ZNF407: variants seen among roughly 807,000 people sequenced by gnomAD.
ZNF407 encodes the protein zinc finger protein 407.
A neutral mutation model predicts 131.2 loss-of-function variants in ZNF407; 17 were observed. That is an observed-to-expected ratio of 0.13 (90% CI 0.09 to 0.19). The LOEUF is 0.19. ZNF407 is among the 10% of genes least tolerant of loss of function. The pLI is 1.00. For synonymous variants in ZNF407, 1,156 were observed against 1,062.0 expected, an observed-to-expected ratio of 1.09 and a Z score of -1.72; for missense variants, 2,681 against 2,830.6, an observed-to-expected ratio of 0.95 and a Z score of 1.20.
At chr18:74,856,886 T>C (rs1970866334) in intron 4 of ZNF407, among the ~76,000 whole-genome samples, 1 of 152,176 alleles carries the variant, frequency 6.6e-6, no homozygotes, top group African/African-American at 2.4e-5. Context: ...ATAATTCAAG[T>C]AATAAGAAGC....
At chr18:75,002,406 G>A (rs1213630165) in intron 8 of ZNF407, among the ~76,000 whole-genome samples, 3 of 152,144 alleles carry the variant, frequency 2.0e-5, no homozygotes, top group Non-Finnish European at 4.4e-5. Flanking sequence ...GAAGGAAAGA[G>A]TAGACTGGAA....
At chr18:74,620,193 A>G (rs1983459218) in intron 1 of ZNF407, among the ~76,000 whole-genome samples, 2 of 152,202 alleles carry the variant, frequency 1.3e-5, no homozygotes, top group Admixed American at 1.3e-4. Context: ...CATACAGTTA[A>G]TTTTATTACT....
At chr18:74,999,503 A>G (rs895172240) in intron 8 of ZNF407, among the ~76,000 whole-genome samples, 6 of 152,210 alleles carry the variant, frequency 3.9e-5, no homozygotes, top group Admixed American at 1.3e-4. Context: ...CACATGGCAG[A>G]ACATATTTCT....
chr18:74,845,624 C>G (rs1295142651), intron 4 of ZNF407, among the ~76,000 whole-genome samples: 1 of 150,456 alleles, frequency 6.6e-6, no homozygotes, highest in African/African-American at 2.4e-5. Flanking sequence ...AAGGAAATTA[C>G]ACTATAACTA....
intron 6 of ZNF407, among the ~76,000 whole-genome samples, chr18:74,887,979 T>C (rs1272576616): frequency 6.6e-6 from 1 of 152,190 alleles, no homozygotes; most frequent in African/African-American, 2.4e-5. Context: ...TAAATAGACG[T>C]AGAATGTAGG....
At chr18:74,839,060 G>A (rs1970596384) in intron 4 of ZNF407, among the ~76,000 whole-genome samples, 1 of 151,866 alleles carries the variant, frequency 6.6e-6, no homozygotes, top group Non-Finnish European at 1.5e-5. Context: ...AATGCTTGAA[G>A]AAACACCCTA....
chr18:74,879,888 A>G (rs1971215061), intron 5 of ZNF407, among the ~76,000 whole-genome samples: 1 of 152,204 alleles, frequency 6.6e-6, no homozygotes, highest in Non-Finnish European at 1.5e-5. Context: ...CTCCCTTCCT[A>G]TATGTACTAT....
intron 8 of ZNF407, among the ~76,000 whole-genome samples, chr18:74,978,368 A>G (rs1435950400): frequency 1.3e-5 from 2 of 152,156 alleles, no homozygotes; most frequent in African/African-American, 4.8e-5. Flanking sequence ...ATGTGTGAAG[A>G]CATAGAGGGG....
intron 4 of ZNF407, among the ~76,000 whole-genome samples, chr18:74,875,656 A>AT (rs1223256361): frequency 5.3e-5 from 8 of 151,468 alleles, no homozygotes; most frequent in African/African-American, 9.7e-5. Context: ...TACGGACGTG[A>AT]TTTTTTTTTA....
intron 3 of ZNF407, among the ~76,000 whole-genome samples, chr18:74,669,204 C>A (rs1317412290): frequency 1.3e-5 from 2 of 152,208 alleles, no homozygotes. Flanking sequence ...ACGCTTGTGC[C>A]CACAGGTTTC....
intron 8 of ZNF407, among the ~76,000 whole-genome samples, chr18:74,953,521 T>C (rs1282229006): frequency 1.3e-5 from 2 of 152,152 alleles, no homozygotes; most frequent in African/African-American, 4.8e-5. Flanking sequence ...ATTGCTAATT[T>C]CCCTTGTATT....
chr18:75,052,285 T>G (rs1402094347), intron 8 of ZNF407, among the ~76,000 whole-genome samples: 1 of 152,216 alleles, frequency 6.6e-6, no homozygotes, highest in African/African-American at 2.4e-5. Flanking sequence ...ATTGTATAAT[T>G]ACATTACCTC....
At chr18:74,834,915 TTTTC>T (rs1970534441) in intron 4 of ZNF407, among the ~76,000 whole-genome samples, 1 of 152,196 alleles carries the variant, frequency 6.6e-6, no homozygotes, top group African/African-American at 2.4e-5. Flanking sequence ...TTTCTGCTGC[TTTTC>T]TTTCTTTCGT....
rs1039588436 is a variant in ZNF407, at chr18:74,765,231, C to G, written c.4803-16197C>G. 8.0e-4 allele frequency among the ~76,000 whole-genome samples: 121 copies of G among 151,958 alleles called. 1 individual carries two copies. The highest frequency in any genetic ancestry group is 2.8e-3 in the African/African-American group (115 of 41,460). On this transcript the variant is annotated intron_variant, in intron 3 of 8. Transcript: ENST00000299687. ...ATTTATAGTAATTGTTTTATTGTTC[C>G]CTAATTTTAATATCTTTGTTCATTC... is the stretch of plus-strand genomic sequence containing the variant.
chr18:74,801,156 T>C (rs899519457), intron 4 of ZNF407, among the ~76,000 whole-genome samples: 11 of 152,192 alleles, frequency 7.2e-5, no homozygotes, highest in Non-Finnish European at 1.6e-4. Context: ...TTATGAATTT[T>C]TGTCTTGATC....
At chr18:74,979,777 T>G (rs1350179496) in intron 8 of ZNF407, among the ~76,000 whole-genome samples, 5 of 152,176 alleles carry the variant, frequency 3.3e-5, no homozygotes, top group Non-Finnish European at 5.9e-5. Flanking sequence ...AAAGGACCAT[T>G]TATTATTAAT....
In ZNF407 at chr18:74,645,369, G is replaced by A. The variant is rs145901291; in HGVS notation, c.4802+4247G>A. The stretch of plus-strand genomic sequence containing the variant: ...GTTTGATATGCCATTATTGAGAAGC[G>A]CAGACCCTGGTGTGCATGATTTAGG... On this transcript the variant is annotated intron_variant, in intron 3 of 8. Transcript: ENST00000299687. 1.9e-3 allele frequency among the ~76,000 whole-genome samples: 294 copies of A among 152,100 alleles called. 1 individual carries two copies. The highest frequency in any genetic ancestry group is 6.4e-3 in the African/African-American group (266 of 41,534).
intron 3 of ZNF407, among the ~76,000 whole-genome samples, chr18:74,742,444 C>CT (rs997892557): frequency 4.2e-4 from 64 of 152,146 alleles, no homozygotes; most frequent in African/African-American, 1.4e-3. Flanking sequence ...ACTTCAGTTG[C>CT]TTTTTTTCTG....
intron 3 of ZNF407, among the ~76,000 whole-genome samples, chr18:74,767,026 C>T (rs1969249227): frequency 6.6e-6 from 1 of 152,180 alleles, no homozygotes. Context: ...ATTCTCCTGT[C>T]TCAGCATCCC....
Sources: allele counts gnomAD v4.1 joint callset (sites outside exome capture counted in the v4.1 genomes callset), GRCh38; gene constraint gnomAD v4.1.1; transcripts MANE v1.5; gene names NCBI Gene and HGNC (gene_info 2026-07-23, HGNC 2026-07-21).